CDH12: variants seen among roughly 807,000 people sequenced by gnomAD.
The protein encoded by CDH12 is cadherin 12.
In CDH12, 41 loss-of-function variants were observed where a neutral mutation model predicts 74.1. The observed-to-expected ratio is 0.55, with a 90% CI of 0.43 to 0.72. The LOEUF (loss-of-function observed/expected upper bound fraction) is 0.72, where lower values mean the gene tolerates loss of function less well. Among genes scored for constraint, CDH12 ranks in the 30% least tolerant of loss-of-function variants. CDH12 has a pLI of 0.00. For missense variants in CDH12, 945 were observed against 977.2 expected, an observed-to-expected ratio of 0.97 and a Z score of 0.44; for synonymous variants, 399 against 355.0, an observed-to-expected ratio of 1.12 and a Z score of -1.39.
chr5:21,827,101 G>T (rs1748719058), intron 8 of CDH12, among the ~76,000 whole-genome samples: 1 of 152,078 alleles, frequency 6.6e-6, no homozygotes, highest in African/African-American at 2.4e-5. Context: ...GCAAGCTGGG[G>T]GCTAATGGCC....
intron 4 of CDH12, among the ~76,000 whole-genome samples, chr5:22,193,051 ACACT>A (rs1750399910): frequency 6.6e-6 from 1 of 152,226 alleles, no homozygotes; most frequent in Non-Finnish European, 1.5e-5. Context: ...GTTTAGTAAG[ACACT>A]CAGGTTACAA....
At chr5:21,870,689 T>C (rs59096976) in intron 6 of CDH12, among the ~76,000 whole-genome samples, 3,500 of 152,296 alleles carry the variant, frequency 0.023, 101 homozygotes, top group African/African-American at 0.072. Flanking sequence ...CTCCATCCTC[T>C]TTATCTTCAG....
chr5:22,218,651 G>A (rs887097861), intron 3 of CDH12, among the ~76,000 whole-genome samples: 5 of 151,596 alleles, frequency 3.3e-5, no homozygotes, highest in Non-Finnish European at 1.5e-5. Context: ...TGATTATGAT[G>A]GTGGCTTCAC....
At chr5:21,908,210 T>A (rs764619105) in intron 6 of CDH12, among the ~76,000 whole-genome samples, 2 of 152,196 alleles carry the variant, frequency 1.3e-5, no homozygotes, top group African/African-American at 2.4e-5. Context: ...TTAGTGTGGC[T>A]GCCAGAGCAA....
intron 1 of CDH12, among the ~76,000 whole-genome samples, chr5:22,568,457 G>T (rs535674213): frequency 1.3e-5 from 2 of 152,252 alleles, no homozygotes; most frequent in East Asian, 1.9e-4. Flanking sequence ...TCAAATACCT[G>T]TAAGAAATAA....
intron 1 of CDH12, chr5:22,580,383 T>C: frequency 2.1e-6 from 1 of 480,992 alleles, no homozygotes; most frequent in Non-Finnish European, 4.3e-6. Context: ...GTGCACGTGG[T>C]CCCCATCGTA....
intron 3 of CDH12, among the ~76,000 whole-genome samples, chr5:22,284,170 T>C (rs564543623): frequency 1.3e-5 from 2 of 152,240 alleles, no homozygotes; most frequent in African/African-American, 2.4e-5. Context: ...GATAGAACTT[T>C]GAAGAACTGC....
intron 3 of CDH12, among the ~76,000 whole-genome samples, chr5:22,214,226 T>G (rs1019479799): frequency 2.0e-5 from 3 of 152,164 alleles, no homozygotes; most frequent in African/African-American, 7.2e-5. Context: ...GAGACGGCCC[T>G]GCAGAAGCCC....
chr5:22,440,593 A>G (rs781085201), intron 2 of CDH12, among the ~76,000 whole-genome samples: 2 of 152,110 alleles, frequency 1.3e-5, no homozygotes, highest in Non-Finnish European at 1.5e-5. Context: ...CAGCAGAACC[A>G]TCCTTGTTCT....
chr5:21,934,408 C>A (rs1355712053), intron 6 of CDH12, among the ~76,000 whole-genome samples: 1 of 152,150 alleles, frequency 6.6e-6, no homozygotes, highest in Non-Finnish European at 1.5e-5. Flanking sequence ...ATCAACTGAG[C>A]ACTGCTCAAC....
chr5:21,825,817 A>G (rs191700554), intron 8 of CDH12, among the ~76,000 whole-genome samples: 23 of 152,234 alleles, frequency 1.5e-4, no homozygotes, highest in Admixed American at 1.1e-3. Context: ...GCACTCTACT[A>G]TCATAGTTTC....
chr5:22,121,150 T>C (rs1380093583), intron 4 of CDH12, among the ~76,000 whole-genome samples: 1 of 152,212 alleles, frequency 6.6e-6, no homozygotes, highest in Non-Finnish European at 1.5e-5. Flanking sequence ...CTTCTGAATG[T>C]TGACAGGCAA....
At chr5:22,832,473 A>G (rs1256495502) in intron 1 of CDH12, among the ~76,000 whole-genome samples, 1 of 152,120 alleles carries the variant, frequency 6.6e-6, no homozygotes, top group Non-Finnish European at 1.5e-5. Context: ...TGTTAAAATT[A>G]TTAGAGTGTT....
At chr5:22,248,513 T>G (rs1484565975) in intron 3 of CDH12, among the ~76,000 whole-genome samples, 1 of 152,186 alleles carries the variant, frequency 6.6e-6, no homozygotes, top group African/African-American at 2.4e-5. Context: ...AAAGGGTATT[T>G]GTGCATAAAT....
chr5:22,157,898 C>T (rs1748122955), intron 4 of CDH12, among the ~76,000 whole-genome samples: 2 of 151,992 alleles, frequency 1.3e-5, no homozygotes, highest in South Asian at 2.1e-4. Flanking sequence ...TCTAAATCCA[C>T]TTTATTCCAA....
intron 11 of CDH12, among the ~76,000 whole-genome samples, chr5:21,775,871 C>A (rs1000180856): frequency 6.6e-6 from 1 of 151,860 alleles, no homozygotes; most frequent in African/African-American, 2.4e-5. Flanking sequence ...AATTTTTTCT[C>A]TTTTTTCAAT....
At chr5:22,607,699 T>C (rs1248744802) in intron 1 of CDH12, among the ~76,000 whole-genome samples, 4 of 151,848 alleles carry the variant, frequency 2.6e-5, no homozygotes, top group Admixed American at 6.6e-5. Context: ...AAAAATGGTT[T>C]CATGGGCTGG....
chr5:22,771,469 A>G (rs1561019445), intron 1 of CDH12, among the ~76,000 whole-genome samples: 1 of 152,102 alleles, frequency 6.6e-6, no homozygotes, highest in Non-Finnish European at 1.5e-5. Context: ...CCACACTTTG[A>G]TTTTACAGAT....
At chr5:22,006,173 C>T (rs190113561) in intron 5 of CDH12, among the ~76,000 whole-genome samples, 1 of 152,014 alleles carries the variant, frequency 6.6e-6, no homozygotes, top group East Asian at 1.9e-4. Context: ...TTTCAGGCCA[C>T]CTCTCTTCTT....
Sources: allele counts gnomAD v4.1 joint callset (sites outside exome capture counted in the v4.1 genomes callset), GRCh38; gene constraint gnomAD v4.1.1; transcripts MANE v1.5; gene names NCBI Gene and HGNC (gene_info 2026-07-23, HGNC 2026-07-21).